SLCO1C1: variants seen among roughly 807,000 people sequenced by gnomAD.
SLCO1C1 encodes solute carrier organic anion transporter family member 1C1.
In SLCO1C1, 70 loss-of-function variants were observed where a neutral mutation model predicts 76.4. That is an observed-to-expected ratio of 0.92 (90% confidence interval 0.76 to 1.12). The LOEUF is 1.12. Ranked by LOEUF, SLCO1C1 falls within the 50% of genes most tolerant of loss-of-function variation. SLCO1C1 has a pLI of 0.00. For synonymous variants in SLCO1C1, 306 were observed against 286.1 expected (o/e 1.07, Z -0.70); for missense variants, 912 against 823.8 (o/e 1.11, Z -1.31).
In SLCO1C1 at chr12:20,701,401, GAGA is replaced by G. The variant is rs760825763; in HGVS notation, c.216_218del (p.Arg73del). On this transcript the variant is annotated inframe_deletion, in exon 3 of 15. Coordinates refer to ENST00000266509, the MANE Select transcript of SLCO1C1 (RefSeq NM_017435.5). ...TGAAGAGCACCATCACTCAGATAGA[GAGA>G]AGGTTTGATATCCCTTCTTCACTGG... 1.3e-6 allele frequency: 2 copies of G among 1,555,570 alleles called. No individual in the cohort carries two copies. Among genetic ancestry groups the G allele is most frequent in the Non-Finnish European group, 1.8e-6 (2 of 1,137,692 alleles).
At chr12:20,703,625 T>C (rs1216296963) in intron 3 of SLCO1C1, among the ~76,000 whole-genome samples, 1 of 151,878 alleles carries the variant, frequency 6.6e-6, no homozygotes, top group Non-Finnish European at 1.5e-5. Flanking sequence ...TGGTTAATTT[T>C]ATTTAGTACT....
intron 12 of SLCO1C1, 146 bp from the exon 13 acceptor site, chr12:20,743,159 C>T (rs951164693): frequency 5.6e-5 from 35 of 628,658 alleles, no homozygotes; most frequent in Non-Finnish European, 8.4e-5. Context: ...ATTTTGCCCT[C>T]CCTATGTTAG....
intron 5 of SLCO1C1, among the ~76,000 whole-genome samples, chr12:20,712,103 T>C (rs546143856): frequency 1.3e-5 from 2 of 152,258 alleles, no homozygotes; most frequent in African/African-American, 4.8e-5. Flanking sequence ...CTATCTTATG[T>C]CCATGTTCAT....
At chr12:20,714,922 A>C (rs1344736497) in intron 5 of SLCO1C1, among the ~76,000 whole-genome samples, 1 of 152,206 alleles carries the variant, frequency 6.6e-6, no homozygotes, top group African/African-American at 2.4e-5. Context: ...AAGAAGCAAT[A>C]AAGTTCCTTG....
chr12:20,708,504 G>A (rs1250124788), intron 4 of SLCO1C1, among the ~76,000 whole-genome samples: 1 of 152,064 alleles, frequency 6.6e-6, no homozygotes, highest in Non-Finnish European at 1.5e-5. Flanking sequence ...GGTGGGTTGG[G>A]GGTGGTTGCA....
At chr12:20,739,450 C>T (rs1157905699) in intron 11 of SLCO1C1, among the ~76,000 whole-genome samples, 3 of 146,622 alleles carry the variant, frequency 2.0e-5, no homozygotes, top group Non-Finnish European at 3.0e-5. Context: ...AACCTCTAAA[C>T]GGAGAACTAA....
chr12:20,714,991 A>T, intron 5 of SLCO1C1, 148 bp from the exon 6 acceptor site: 1 of 948,522 alleles, frequency 1.1e-6, no homozygotes, highest in South Asian at 1.7e-5. Context: ...ACATTTTTAG[A>T]ACTTGACCAA....
chr12:20,726,954 T>C (rs1948037348), intron 9 of SLCO1C1, among the ~76,000 whole-genome samples: 1 of 152,204 alleles, frequency 6.6e-6, no homozygotes, highest in Non-Finnish European at 1.5e-5. Context: ...TGTGAGAACA[T>C]GTAGTATTTG....
intron 5 of SLCO1C1, 32 bp downstream of exon 5, chr12:20,711,542 G>A: frequency 6.2e-7 from 1 of 1,600,840 alleles, no homozygotes; most frequent in Non-Finnish European, 8.5e-7. Context: ...GACTAAACAA[G>A]CTTTTAAAAA....
intron 7 of SLCO1C1, 118 bp downstream of exon 7, chr12:20,717,348 A>G: frequency 1.4e-6 from 1 of 692,458 alleles, no homozygotes; most frequent in Middle Eastern, 4.1e-4. Flanking sequence ...GTAATCTTTC[A>G]TAAACTAAAA....
At chr12:20,729,640 C>G (rs539514686) in intron 9 of SLCO1C1, among the ~76,000 whole-genome samples, 107 of 151,714 alleles carry the variant, frequency 7.1e-4, no homozygotes, top group African/African-American at 2.4e-3. Flanking sequence ...GCTGGTGGAA[C>G]CTGTGAGAAG....
chr12:20,747,329 T>C (rs1202411380), intron 13 of SLCO1C1, among the ~76,000 whole-genome samples: 2 of 152,050 alleles, frequency 1.3e-5, no homozygotes, highest in Non-Finnish European at 2.9e-5. Context: ...TCGGGGAGTC[T>C]GAGTCACAAG....
At chr12:20,708,944 T>C (rs1230302569) in intron 4 of SLCO1C1, among the ~76,000 whole-genome samples, 1 of 152,196 alleles carries the variant, frequency 6.6e-6, no homozygotes, top group Non-Finnish European at 1.5e-5. Context: ...GAATTTAGTT[T>C]GTCCTCTGAA....
At chr12:20,711,695 T>C (rs60140646) in intron 5 of SLCO1C1, among the ~76,000 whole-genome samples, 185 bp downstream of exon 5, 8,236 of 152,140 alleles carry the variant, frequency 0.054, 331 homozygotes, top group African/African-American at 0.11. Flanking sequence ...TAAGAAAATA[T>C]ACCAGATGAT....
chr12:20,746,711 A>G (rs1030509560), intron 13 of SLCO1C1, among the ~76,000 whole-genome samples: 1 of 152,160 alleles, frequency 6.6e-6, no homozygotes, highest in African/African-American at 2.4e-5. Flanking sequence ...AGATCTAACT[A>G]CCAGATTCTA....
intron 4 of SLCO1C1, among the ~76,000 whole-genome samples, chr12:20,710,460 T>C (rs895770634): frequency 6.6e-6 from 1 of 152,148 alleles, no homozygotes; most frequent in African/African-American, 2.4e-5. Flanking sequence ...TCTTACCAGA[T>C]ACCTCTTCCC....
chr12:20,710,550 T>C (rs112486994), intron 4 of SLCO1C1, among the ~76,000 whole-genome samples: 2,306 of 152,230 alleles, frequency 0.015, 44 homozygotes, highest in Non-Finnish European at 0.023. Flanking sequence ...GATTGTAGAT[T>C]AGCATTATCA....
In SLCO1C1 at chr12:20,752,673, T is replaced by C. The variant is rs148326508; in HGVS notation, c.*145T>C. 3 of 558,914 alleles carry C rather than the reference T, an allele frequency of 5.4e-6. No individual in the cohort carries two copies. Among genetic ancestry groups the C allele is most frequent in the East Asian group, 2.9e-5 (1 of 34,368 alleles). 34.6% of individuals were successfully genotyped at this position (558,914 alleles called of 1,614,324 possible). A position where few individuals can be genotyped will look rare whatever the true frequency, so the allele number is the denominator to read the frequency against. On this transcript the variant is annotated 3_prime_UTR_variant, in exon 15 of 15. Transcript: ENST00000266509. ...TTTTGGTCCTAGGCATTAGGTAATA[T>C]AACTGATAATATACTGAAACATATA...
At chr12:20,751,769 C>A (rs1416596269) in intron 14 of SLCO1C1, among the ~76,000 whole-genome samples, 1 of 151,860 alleles carries the variant, frequency 6.6e-6, no homozygotes, top group Non-Finnish European at 1.5e-5. Flanking sequence ...TCTGACAAAG[C>A]ATAGAACTAT....
Sources: allele counts gnomAD v4.1 joint callset (sites outside exome capture counted in the v4.1 genomes callset), GRCh38; gene constraint gnomAD v4.1.1; transcripts MANE v1.5; gene names NCBI Gene and HGNC (gene_info 2026-07-23, HGNC 2026-07-21).